The following INTU variants were observed in gnomAD, a reference collection of about 807,000 sequenced individuals.
INTU encodes the protein inturned planar cell polarity protein, also known as protein inturned.
Under a neutral mutation model 100.5 loss-of-function variants are expected in INTU, and 68 were observed. The observed-to-expected ratio is 0.68, with a 90% CI of 0.56 to 0.83. The LOEUF (loss-of-function observed/expected upper bound fraction) is 0.83. Among genes scored for constraint, INTU ranks in the 40% least tolerant of loss-of-function variants. The pLI is 0.00. For missense variants in INTU, 1,071 were observed against 1,114.7 expected (o/e 0.96, Z 0.56); for synonymous variants, 357 against 395.7 (o/e 0.90, Z 1.16).
At chr4:127,664,286 G>C (rs564320978) in intron 4 of INTU, among the ~76,000 whole-genome samples, 4 of 152,096 alleles carry the variant, frequency 2.6e-5, no homozygotes, top group South Asian at 4.1e-4. Flanking sequence ...AGTTCACATA[G>C]CTAGTAACTG....
chr4:127,680,020 C>A (rs1269014269), intron 6 of INTU, among the ~76,000 whole-genome samples: 3 of 152,146 alleles, frequency 2.0e-5, no homozygotes, highest in South Asian at 2.1e-4. Context: ...TGGATAAATT[C>A]CTTGACACAT....
chr4:127,691,980 A>ATATATATATATATATATATGTGTG (rs971919620), intron 8 of INTU, among the ~76,000 whole-genome samples: 3 of 143,360 alleles, frequency 2.1e-5, no homozygotes, highest in African/African-American at 7.9e-5. Context: ...ATATATATAT[A>ATATATATATATATATATATGTGTG]TGTCACATTT....
intron 5 of INTU, among the ~76,000 whole-genome samples, chr4:127,671,160 C>A (rs1240162763): frequency 6.6e-6 from 1 of 151,836 alleles, no homozygotes; most frequent in Non-Finnish European, 1.5e-5. Context: ...AAGAAATAGT[C>A]CAGAGTCAAT....
intron 5 of INTU, among the ~76,000 whole-genome samples, chr4:127,672,874 A>G (rs908745553): frequency 1.3e-5 from 2 of 152,214 alleles, no homozygotes; most frequent in Non-Finnish European, 2.9e-5. Context: ...GAACATAATT[A>G]AATTTTTAAA....
At chr4:127,657,483 A>T (rs1728287420) in intron 3 of INTU, among the ~76,000 whole-genome samples, 1 of 151,956 alleles carries the variant, frequency 6.6e-6, no homozygotes, top group Non-Finnish European at 1.5e-5. Context: ...ACGGACTGGT[A>T]GTGGTTCGTG....
At chr4:127,702,985 A>C (rs1730714595) in intron 9 of INTU, among the ~76,000 whole-genome samples, 1 of 152,086 alleles carries the variant, frequency 6.6e-6, no homozygotes, top group South Asian at 2.1e-4. Flanking sequence ...CACAGTTCCC[A>C]ACTATTTGGT....
At chr4:127,702,510 C>G (rs1157613128) in intron 9 of INTU, among the ~76,000 whole-genome samples, 5 of 152,102 alleles carry the variant, frequency 3.3e-5, no homozygotes, top group Non-Finnish European at 4.4e-5. Context: ...GACTACTACT[C>G]AGAAAAAAAG....
In INTU at chr4:127,655,726, C is replaced by G. The variant is rs1364460696; in HGVS notation, c.683-910C>G. ...GTGGAGCCTACAGAGGCAGGCAGGC[C>G]TCCTTGAGCTGTGGTGGGCTCCACC... On this transcript the variant is annotated intron_variant, in intron 2 of 15. Coordinates refer to ENST00000335251, the MANE Select transcript of INTU (RefSeq NM_015693.4). 2.6e-5 allele frequency among the ~76,000 whole-genome samples: 4 copies of G among 152,316 alleles called. No individual in the cohort carries two copies. The East Asian group carries it at 7.7e-4, about 29-fold the overall frequency.
intron 7 of INTU, chr4:127,687,103 TA>T (rs1241971235): frequency 2.6e-5 from 4 of 152,194 alleles, no homozygotes; most frequent in Non-Finnish European, 5.9e-5. Flanking sequence ...TGTTTACCAG[TA>T]AATAATAAGC....
chr4:127,684,533 T>C, intron 7 of INTU, 47 bp downstream of exon 7: 1 of 1,096,742 alleles, frequency 9.1e-7, no homozygotes, highest in South Asian at 1.4e-5. Flanking sequence ...TATGTGATTC[T>C]AAGTCATCTT....
chr4:127,720,339 G>A lies in INTU; in HGVS notation c.*3903G>A, dbSNP rs966507249. On this transcript the variant is annotated 3_prime_UTR_variant, in exon 16 of 16. Transcript: ENST00000335251. ...TTCCAATTTGATTGCGCTGTGATCTGAGAGACTGTTTGTTATTACTTCAGT... is the reference window on the plus strand; with the variant it reads ...TTCCAATTTGATTGCGCTGTGATCTAAGAGACTGTTTGTTATTACTTCAGT... 6 of 152,292 alleles carry A rather than the reference G, an allele frequency of 3.9e-5. No individual in the cohort carries two copies. Among genetic ancestry groups the A allele is most frequent in the African/African-American group, 1.4e-4 (6 of 41,570 alleles). 9.4% of individuals were successfully genotyped at this position (152,292 alleles called of 1,614,324 possible). A position where few individuals can be genotyped will look rare whatever the true frequency, so the allele number is the denominator to read the frequency against.
In INTU at chr4:127,723,385, C is replaced by CTTTTTT. The variant is rs34743437; in HGVS notation, c.*6963_*6968dup. On this transcript the variant is annotated 3_prime_UTR_variant, in exon 16 of 16. Coordinates refer to ENST00000335251, the MANE Select transcript of INTU (RefSeq NM_015693.4). ...TTGACCATCTGGGCTCTCTGTTCTA[C>CTTTTTT]TTTTTTTTTTTTTTTTTTTGCCTCT... The CTTTTTT allele has an allele frequency of 9.2e-6, 1 of 109,070 alleles. No individual in the cohort carries two copies. The highest frequency in any genetic ancestry group is 1.9e-5 in the Non-Finnish European group (1 of 52,866). 6.8% of individuals were successfully genotyped at this position (109,070 alleles called of 1,614,324 possible).
Position 127,684,046 on chromosome 4 carries a change from G to A in INTU, c.1182-363G>A, listed in dbSNP as rs572544236. 1.4e-4 allele frequency: 22 copies of A among 161,654 alleles called. No individual in the cohort carries two copies. In the South Asian group the frequency reaches 4.2e-3, roughly 31 times the overall value. The allele number at this position is 161,654 out of a possible 1,614,324, so 10.0% of individuals were successfully genotyped here. A position where few individuals can be genotyped will look rare whatever the true frequency, so the allele number is the denominator to read the frequency against. On this transcript the variant is annotated intron_variant, in intron 6 of 15. Coordinates refer to ENST00000335251, the MANE Select transcript of INTU (RefSeq NM_015693.4). ...TCAAGAATTTAGAATTTCTTTTTAT[G>A]GGCCCAGGTCTTGTAAAAACTAGTT...
intron 12 of INTU, among the ~76,000 whole-genome samples, chr4:127,707,709 CTT>C (rs1730946876): frequency 2.6e-5 from 4 of 152,070 alleles, no homozygotes; most frequent in South Asian, 2.1e-4. Context: ...AAATCTGAAC[CTT>C]TGTAACACTT....
At chr4:127,669,857 A>G (rs1578572080) in intron 5 of INTU, among the ~76,000 whole-genome samples, 1 of 151,914 alleles carries the variant, frequency 6.6e-6, no homozygotes, top group Non-Finnish European at 1.5e-5. Context: ...GAAATGCTAG[A>G]GGAAAACCTA....
At chr4:127,701,356 A>T (rs895804920) in intron 9 of INTU, among the ~76,000 whole-genome samples, 6 of 152,174 alleles carry the variant, frequency 3.9e-5, no homozygotes, top group Non-Finnish European at 8.8e-5. Flanking sequence ...TTATCAACCA[A>T]GTGTATGTAT....
rs1259115828 is a variant in INTU at position 127,716,671 on chromosome 4, CTT to C, written c.*236_*237del. On this transcript the variant is annotated 3_prime_UTR_variant, in exon 16 of 16. Coordinates refer to ENST00000335251, the MANE Select transcript of INTU (RefSeq NM_015693.4). ...AAAATGTGAAAGAAGGGATTGTTAACTTATTGCTATTTTGGTATATAATGTTA... is the reference window on the plus strand; with the variant it reads ...AAAATGTGAAAGAAGGGATTGTTAACATTGCTATTTTGGTATATAATGTTA... 6.5e-5 allele frequency: 18 copies of C among 276,458 alleles called. No homozygotes were observed. Among genetic ancestry groups the C allele is most frequent in the Middle Eastern group, 2.2e-3 (2 of 906 alleles). 17.1% of individuals were successfully genotyped at this position (276,458 alleles called of 1,614,324 possible). A position where few individuals can be genotyped will look rare whatever the true frequency, so the allele number is the denominator to read the frequency against.
intron 1 of INTU, among the ~76,000 whole-genome samples, chr4:127,640,592 C>CAT (rs10549007): frequency 1.4e-5 from 1 of 71,944 alleles, no homozygotes; most frequent in African/African-American, 7.0e-5. Context: ...TATATATATA[C>CAT]ATATACATAA....
At position 127,720,351 on chromosome 4, in the gene INTU, G is replaced by A. The variant is rs1278175569; in HGVS notation, c.*3915G>A. On this transcript the variant is annotated 3_prime_UTR_variant, in exon 16 of 16. Transcript: ENST00000335251. ...TGCGCTGTGATCTGAGAGACTGTTTGTTATTACTTCAGTTCTTTAGCATTT... is the reference window on the plus strand; with the variant it reads ...TGCGCTGTGATCTGAGAGACTGTTTATTATTACTTCAGTTCTTTAGCATTT... The A allele has an allele frequency of 6.6e-6, 1 of 152,112 alleles. No individual in the cohort carries two copies. Among genetic ancestry groups the A allele is most frequent in the Non-Finnish European group, 1.5e-5 (1 of 68,000 alleles). The allele number at this position is 152,112 out of a possible 1,614,324, so 9.4% of individuals were successfully genotyped here. A position where few individuals can be genotyped will look rare whatever the true frequency, so the allele number is the denominator to read the frequency against.
Sources: allele counts gnomAD v4.1 joint callset (sites outside exome capture counted in the v4.1 genomes callset), GRCh38; gene constraint gnomAD v4.1.1; transcripts MANE v1.5; gene names NCBI Gene and HGNC (gene_info 2026-07-23, HGNC 2026-07-21).